RBFOX1: variants seen among roughly 807,000 people sequenced by gnomAD.
RBFOX1 encodes RNA binding protein fox-1 homolog 1.
RBFOX1 carries 8 observed loss-of-function variants against 57.7 expected under a neutral mutation model. The ratio of observed to expected loss-of-function variants is 0.14; its 90% CI spans 0.08 to 0.25. RBFOX1 has a LOEUF of 0.25. Ranked by LOEUF, RBFOX1 falls within the 10% of genes least tolerant of loss-of-function variation. The pLI, the probability that RBFOX1 is intolerant of heterozygous loss-of-function variation, is 1.00. For synonymous variants in RBFOX1, 326 were observed against 222.4 expected, an observed-to-expected ratio of 1.47 and a Z score of -4.15; for missense variants, 611 against 548.5, an observed-to-expected ratio of 1.11 and a Z score of -1.14.
chr16:7,670,844 GAATGACTCTTATGTC>G (rs2071185289), intron 13 of RBFOX1, among the ~76,000 whole-genome samples: 1 of 152,148 alleles, frequency 6.6e-6, no homozygotes, highest in Non-Finnish European at 1.5e-5. Flanking sequence ...TCTTGACCAT[GAATGACTCTTATGTC>G]AAAAAACTGC....
At chr16:6,204,689 A>C (rs1448595776) in intron 1 of RBFOX1, among the ~76,000 whole-genome samples, 1 of 152,160 alleles carries the variant, frequency 6.6e-6, no homozygotes, top group African/African-American at 2.4e-5. Flanking sequence ...AAAGCTGATC[A>C]AATTGAGATA....
rs544034896 is a variant in RBFOX1, at chr16:6,959,345, C to T, written c.-15-92712C>T. 1.5e-3 allele frequency among the ~76,000 whole-genome samples: 231 copies of T among 152,288 alleles called. 1 individual carries two copies. The highest frequency in any genetic ancestry group is 2.5e-3 in the Non-Finnish European group (167 of 68,032). On this transcript the variant is annotated intron_variant, in intron 3 of 15. Coordinates refer to ENST00000550418, the MANE Select transcript of RBFOX1 (RefSeq NM_018723.4). ...CTCTCAGAAACTATTGTTTTCAATACATCTGATAACCGTCACATTTGAATG... is the reference window on the plus strand; with the variant it reads ...CTCTCAGAAACTATTGTTTTCAATATATCTGATAACCGTCACATTTGAATG...
intron 4 of RBFOX1, among the ~76,000 whole-genome samples, chr16:7,057,631 A>G (rs995457368): frequency 7.2e-5 from 11 of 152,212 alleles, no homozygotes; most frequent in Admixed American, 5.9e-4. Context: ...GGGAAGTGGT[A>G]TGAAGCAACA....
At chr16:5,569,067 G>A (rs1228391274) in intron 2 of RBFOX1, among the ~76,000 whole-genome samples, 1 of 150,696 alleles carries the variant, frequency 6.6e-6, no homozygotes, top group Non-Finnish European at 1.5e-5. Context: ...GGTCAGGTTG[G>A]TCTCGAACTC....
At chr16:6,281,595 C>G (rs2076384441) in intron 1 of RBFOX1, among the ~76,000 whole-genome samples, 1 of 151,970 alleles carries the variant, frequency 6.6e-6, no homozygotes, top group Non-Finnish European at 1.5e-5. Context: ...GGGACCTTTG[C>G]ATTATTTTGT....
intron 4 of RBFOX1, among the ~76,000 whole-genome samples, chr16:7,464,908 A>G (rs1389191195): frequency 6.6e-6 from 1 of 151,812 alleles, no homozygotes; most frequent in Non-Finnish European, 1.5e-5. Flanking sequence ...CGTGTTAGCC[A>G]GGATGGTCTC....
chr16:6,930,540 G>C (rs539399005), intron 3 of RBFOX1, among the ~76,000 whole-genome samples: 1 of 152,172 alleles, frequency 6.6e-6, no homozygotes, highest in Admixed American at 6.5e-5. Context: ...CTCCCAAGCA[G>C]TTGGGATTAC....
rs1567239199 is a variant in RBFOX1 at position 5,999,901 on chromosome 16, AAAAAAAGAG to A, written c.351+132567_351+132575del. On this transcript the variant is annotated intron_variant, in intron 4 of 19. Transcript: ENST00000641259. ...AAAAAAAAAAAAAAAAAAAAAAAAA[AAAAAAAGAG>A]TGAAGAAGGGAAATCAGACAAGGAA... Among the ~76,000 whole-genome samples the A allele has an allele frequency of 6.8e-3, 275 of 40,298 alleles. 64 individuals carry two copies. Among genetic ancestry groups the A allele is most frequent in the East Asian group, 0.018 (42 of 2,354 alleles). The allele number at this position is 40,298 out of a possible 152,430, so 26.4% of individuals were successfully genotyped here.
intron 4 of RBFOX1, among the ~76,000 whole-genome samples, chr16:7,464,491 G>C (rs1180310866): frequency 1.3e-5 from 2 of 151,860 alleles, no homozygotes; most frequent in Admixed American, 6.6e-5. Context: ...ATGGGATTTG[G>C]GGTTGCCAAG....
chr16:6,576,196 C>G (rs943248353), intron 2 of RBFOX1, among the ~76,000 whole-genome samples: 1 of 152,230 alleles, frequency 6.6e-6, no homozygotes, highest in African/African-American at 2.4e-5. Flanking sequence ...TATTCCAGTT[C>G]AGGCTTTCGA....
chr16:6,861,524 C>G (rs1006226024), intron 3 of RBFOX1, among the ~76,000 whole-genome samples: 2 of 130,286 alleles, frequency 1.5e-5, no homozygotes, highest in Non-Finnish European at 3.2e-5. Context: ...ATTGCTTCAA[C>G]TCTCAATGTT....
At chr16:6,606,860 T>A (rs1318137404) in intron 2 of RBFOX1, among the ~76,000 whole-genome samples, 5 of 152,320 alleles carry the variant, frequency 3.3e-5, no homozygotes, top group South Asian at 2.1e-4. Flanking sequence ...TGTATTCCTT[T>A]GGGTATATAC....
intron 4 of RBFOX1, among the ~76,000 whole-genome samples, chr16:7,284,087 C>A (rs889842731): frequency 4.6e-5 from 7 of 152,192 alleles, no homozygotes; most frequent in African/African-American, 1.7e-4. Context: ...TGAGATTCAT[C>A]CAGGTAGTTG....
intron 4 of RBFOX1, among the ~76,000 whole-genome samples, chr16:5,920,678 G>A (rs1478891645): frequency 2.6e-5 from 4 of 152,266 alleles, no homozygotes; most frequent in South Asian, 4.1e-4. Context: ...GACCAGGAGC[G>A]TGCCCAGGTA....
intron 1 of RBFOX1, among the ~76,000 whole-genome samples, chr16:6,107,800 T>C (rs1056075594): frequency 2.0e-5 from 3 of 151,996 alleles, no homozygotes; most frequent in Admixed American, 6.6e-5. Flanking sequence ...TGAATAGCAA[T>C]TTCTAGATCT....
chr16:6,787,478 C>G (rs1348922514), intron 3 of RBFOX1, among the ~76,000 whole-genome samples: 1 of 152,102 alleles, frequency 6.6e-6, no homozygotes, highest in African/African-American at 2.4e-5. Context: ...ATTGGAGTCT[C>G]CCTGTGGTTA....
intron 3 of RBFOX1, among the ~76,000 whole-genome samples, chr16:6,944,783 A>T (rs1408356099): frequency 2.6e-5 from 4 of 152,086 alleles, no homozygotes; most frequent in East Asian, 1.9e-4. Flanking sequence ...GGTGTATCTC[A>T]TCTATGCCAA....
chr16:5,823,642 T>G (rs2055933741), intron 3 of RBFOX1, among the ~76,000 whole-genome samples: 1 of 152,062 alleles, frequency 6.6e-6, no homozygotes, highest in Admixed American at 6.6e-5. Flanking sequence ...GAGCTCCACC[T>G]CCAGTCAGGT....
intron 2 of RBFOX1, among the ~76,000 whole-genome samples, chr16:6,572,948 G>T (rs8056378): frequency 6.6e-6 from 1 of 152,114 alleles, no homozygotes; most frequent in South Asian, 2.1e-4. Flanking sequence ...TGGGAACTTA[G>T]CAGTGAACAA....
Sources: gnomAD v4.1 joint callset for allele counts (sites outside exome capture counted in the v4.1 genomes callset) on GRCh38, gnomAD v4.1.1 for gene constraint, MANE v1.5 for transcripts, NCBI Gene and HGNC (gene_info 2026-07-23, HGNC 2026-07-21) for gene names.